The following POLK variants were observed in gnomAD, a reference collection of about 807,000 sequenced individuals.
POLK encodes DNA polymerase kappa.
Under a neutral mutation model 94.0 loss-of-function variants are expected in POLK, and 76 were observed. The ratio of observed to expected loss-of-function variants is 0.81; its 90% CI spans 0.67 to 0.98. The LOEUF is 0.98. Ranked by LOEUF, POLK falls within the 50% of genes least tolerant of loss-of-function variation. The pLI is 0.00. For missense variants in POLK, 954 were observed against 1,010.1 expected, an observed-to-expected ratio of 0.94 and a Z score of 0.75; for synonymous variants, 349 against 325.4, an observed-to-expected ratio of 1.07 and a Z score of -0.78.
At chr5:75,598,910 C>T (rs1051807923) in exon 15 of POLK, 4 of 151,986 alleles carry the variant, frequency 2.6e-5, no homozygotes, top group African/African-American at 9.7e-5. Context: ...AGTAGTTTCT[C>T]CAAGTACTTT....
chr5:75,520,385 G>C (rs1156300143), intron 1 of POLK, among the ~76,000 whole-genome samples: 1 of 152,062 alleles, frequency 6.6e-6, no homozygotes. Flanking sequence ...TTTACCAGAG[G>C]ATTTTATTTA....
At chr5:75,579,989 A>AG (rs1554060618) in intron 6 of POLK, among the ~76,000 whole-genome samples, 3 of 151,368 alleles carry the variant, frequency 2.0e-5, no homozygotes, top group African/African-American at 7.3e-5. Flanking sequence ...AAAAAAAAAA[A>AG]AGAGAGAAAG....
At chr5:75,546,830 TA>T (rs1262416758) in intron 1 of POLK, among the ~76,000 whole-genome samples, 179 bp from the exon 2 acceptor site, 2 of 152,100 alleles carry the variant, frequency 1.3e-5, no homozygotes, top group Admixed American at 6.6e-5. Context: ...CATGCCTGGC[TA>T]ATTTTTTTGT....
chr5:75,604,411 C>G (rs1333981142), downstream of POLK, among the ~76,000 whole-genome samples: 3 of 152,186 alleles, frequency 2.0e-5, no homozygotes, highest in Non-Finnish European at 4.4e-5. Context: ...CAAGGTCTCA[C>G]CGTCACCCAG....
intron 1 of POLK, among the ~76,000 whole-genome samples, chr5:75,542,609 AT>A (rs1212087734): frequency 2.0e-5 from 3 of 150,556 alleles, no homozygotes; most frequent in Non-Finnish European, 4.4e-5. Context: ...GTATATACAC[AT>A]ATACACATAT....
chr5:75,598,485 C>T (rs1032423954), exon 15 of POLK: 4 of 152,504 alleles, frequency 2.6e-5, no homozygotes, highest in Non-Finnish European at 4.4e-5. Context: ...ATTAATGTAA[C>T]TAGCATAAGT....
At chr5:75,558,878 A>G (rs1770787094) in intron 3 of POLK, among the ~76,000 whole-genome samples, 1 of 152,208 alleles carries the variant, frequency 6.6e-6, no homozygotes, top group Non-Finnish European at 1.5e-5. Context: ...AACAACTGTT[A>G]GCTATTCATA....
chr5:75,585,059 T>C, intron 9 of POLK, 133 bp downstream of exon 9: 1 of 643,308 alleles, frequency 1.6e-6, no homozygotes, highest in Non-Finnish European at 2.7e-6. Flanking sequence ...AATATAATGT[T>C]TGAATTAGAG....
intron 4 of POLK, 109 bp from the exon 5 acceptor site, chr5:75,573,629 A>G (rs1771716550): frequency 3.3e-6 from 3 of 910,768 alleles, no homozygotes; most frequent in Non-Finnish European, 3.4e-6. Context: ...TATAAATGAA[A>G]TGTCCTTGAA....
At chr5:75,576,676 C>T (rs979112679) in intron 5 of POLK, 104 bp from the exon 6 acceptor site, 5 of 485,204 alleles carry the variant, frequency 1.0e-5, no homozygotes, top group African/African-American at 2.0e-5. Context: ...AGGATTGTTA[C>T]TGTAGTTGCA....
chr5:75,557,571 T>A (rs1770703966), intron 3 of POLK, among the ~76,000 whole-genome samples: 1 of 152,220 alleles, frequency 6.6e-6, no homozygotes, highest in South Asian at 2.1e-4. Context: ...AGTCCAGATA[T>A]TCCCTGACTT....
intron 3 of POLK, among the ~76,000 whole-genome samples, chr5:75,553,247 G>A (rs971444275): frequency 6.6e-5 from 10 of 152,128 alleles, no homozygotes; most frequent in African/African-American, 2.4e-4. Context: ...GCACTGTGTG[G>A]TAGACTGACA....
chr5:75,552,097 AT>A (rs1412253724), intron 2 of POLK, among the ~76,000 whole-genome samples: 1 of 152,142 alleles, frequency 6.6e-6, no homozygotes, highest in African/African-American at 2.4e-5. Context: ...TGTAAGGAGT[AT>A]TTTTTTAATG....
At chr5:75,581,890 A>G (rs781776086) in intron 7 of POLK, 4 of 198,894 alleles carry the variant, frequency 2.0e-5, no homozygotes, top group Non-Finnish European at 3.7e-5. Flanking sequence ...CATGTTAGCC[A>G]GGATGGTCTC....
At chr5:75,572,720 T>C in intron 4 of POLK, among the ~76,000 whole-genome samples, 1 of 151,858 alleles carries the variant, frequency 6.6e-6, no homozygotes, top group East Asian at 1.9e-4. Flanking sequence ...TGGGAGAGGG[T>C]CATGGTATCA....
the POLK span, chr5:75,609,708 A>C: frequency 6.6e-6 from 1 of 152,170 alleles, no homozygotes; most frequent in African/African-American, 2.4e-5. Flanking sequence ...TGTTTTTATC[A>C]TATCTCTATT....
At chr5:75,567,243 GTATTTCAGAT>G (rs1391859827) in intron 3 of POLK, among the ~76,000 whole-genome samples, 1 of 152,140 alleles carries the variant, frequency 6.6e-6, no homozygotes, top group African/African-American at 2.4e-5. Context: ...CCATGTCCAA[GTATTTCAGAT>G]GCCACTTTCT....
chr5:75,558,610 C>T (rs964651318), intron 3 of POLK, among the ~76,000 whole-genome samples: 7 of 152,088 alleles, frequency 4.6e-5, no homozygotes, highest in East Asian at 3.9e-4. Flanking sequence ...AGTTATTGAA[C>T]GGTAGGAATA....
chr5:75,594,054 GA>G lies in POLK; in HGVS notation c.1528+6del. On this transcript the variant is annotated splice_donor_region_variant and intron_variant, in intron 12 of 14. Transcript: ENST00000241436. ...CCTTGAGATTAAGGCTTATGGGTATGACTTTTTCATTTTTTTGTTTTTCCTT... is the reference window on the plus strand; with the variant it reads ...CCTTGAGATTAAGGCTTATGGGTATGCTTTTTCATTTTTTTGTTTTTCCTT... The G allele has an allele frequency of 6.5e-7, 1 of 1,549,898 alleles. No homozygotes were observed. Among genetic ancestry groups the G allele is most frequent in the Non-Finnish European group, 8.7e-7 (1 of 1,147,746 alleles).
Sources: allele counts gnomAD v4.1 joint callset (sites outside exome capture counted in the v4.1 genomes callset), GRCh38; gene constraint gnomAD v4.1.1; transcripts MANE v1.5; gene names NCBI Gene and HGNC (gene_info 2026-07-23, HGNC 2026-07-21).